Variants in ARL15 observed in about 807,000 individuals in gnomAD.
ARL15 encodes ARF like GTPase 15, also known as ADP-ribosylation factor-like protein 15.
ARL15 carries 19 observed loss-of-function variants against 25.2 expected under a neutral mutation model. The ratio of observed to expected loss-of-function variants is 0.75; its 90% confidence interval spans 0.53 to 1.10. The LOEUF is 1.10. Among genes scored for constraint, ARL15 ranks in the 50% least tolerant of loss-of-function variants. ARL15 has a pLI of 0.00. For missense variants in ARL15, 220 were observed against 246.0 expected (o/e 0.89, Z 0.71); for synonymous variants, 94 against 86.8 (o/e 1.08, Z -0.46).
At chr5:54,207,697 G>A (rs985020997) in intron 1 of ARL15, among the ~76,000 whole-genome samples, 1 of 152,212 alleles carries the variant, frequency 6.6e-6, no homozygotes, top group Non-Finnish European at 1.5e-5. Context: ...TAAACAGGCA[G>A]TGAAAGAAAG....
At chr5:54,179,777 G>A (rs1268641044) in intron 1 of ARL15, among the ~76,000 whole-genome samples, 1 of 152,028 alleles carries the variant, frequency 6.6e-6, no homozygotes, top group Non-Finnish European at 1.5e-5. Flanking sequence ...CTGCACTTTG[G>A]GAGGCCGAGG....
chr5:54,128,429 C>T (rs1409332995), intron 3 of ARL15, among the ~76,000 whole-genome samples: 1 of 152,176 alleles, frequency 6.6e-6, no homozygotes, highest in Non-Finnish European at 1.5e-5. Context: ...ATAATCTTCA[C>T]TCAATTCATG....
intron 4 of ARL15, among the ~76,000 whole-genome samples, chr5:53,954,806 C>T (rs1747090567): frequency 6.6e-6 from 1 of 152,054 alleles, no homozygotes; most frequent in Admixed American, 6.6e-5. Flanking sequence ...AGAACATATT[C>T]CTTTTAAAAA....
chr5:54,066,053 C>G (rs1054796253), intron 4 of ARL15, among the ~76,000 whole-genome samples: 3 of 152,176 alleles, frequency 2.0e-5, no homozygotes, highest in African/African-American at 7.2e-5. Context: ...TACATTATTT[C>G]TAGCATCACA....
chr5:54,176,430 T>C (rs1259614946), intron 1 of ARL15, among the ~76,000 whole-genome samples: 2 of 152,212 alleles, frequency 1.3e-5, no homozygotes, highest in African/African-American at 4.8e-5. Flanking sequence ...TTTTTTGTTT[T>C]AAAACTTAAT....
At chr5:54,184,439 T>TAAAAAAAAA (rs527755025) in intron 1 of ARL15, among the ~76,000 whole-genome samples, 1 of 69,108 alleles carries the variant, frequency 1.4e-5, no homozygotes, top group Non-Finnish European at 2.8e-5. Context: ...ACACTGTCTT[T>TAAAAAAAAA]AAAAAAAAAA....
chr5:54,006,092 G>C (rs1315316116), intron 4 of ARL15, among the ~76,000 whole-genome samples: 3 of 142,774 alleles, frequency 2.1e-5, no homozygotes, highest in Non-Finnish European at 4.6e-5. Context: ...TTTATTGACT[G>C]TTTTTGTTTA....
In ARL15 at chr5:53,885,305, T is replaced by C. The variant is rs1266812152; in HGVS notation, c.*1256A>G. On this transcript the variant is annotated 3_prime_UTR_variant, in exon 5 of 5. Coordinates refer to ENST00000504924, the MANE Select transcript of ARL15 (RefSeq NM_019087.3). Reference sequence around the variant, plus strand: ...TTTCATCTGTGAACCTCAATATGCATAGATTTTTTTCCTGATTTAGAAAAG... The same window carrying C: ...TTTCATCTGTGAACCTCAATATGCACAGATTTTTTTCCTGATTTAGAAAAG... The C allele has an allele frequency of 6.6e-6, 1 of 152,638 alleles. No homozygotes were observed. Among genetic ancestry groups the C allele is most frequent in the Non-Finnish European group, 1.5e-5 (1 of 68,028 alleles). The allele number at this position is 152,638 out of a possible 1,614,324, so 9.5% of individuals were successfully genotyped here. A position where few individuals can be genotyped will look rare whatever the true frequency, so the allele number is the denominator to read the frequency against.
At chr5:53,921,286 T>C (rs1232180897) in intron 4 of ARL15, among the ~76,000 whole-genome samples, 2 of 152,202 alleles carry the variant, frequency 1.3e-5, no homozygotes, top group Non-Finnish European at 2.9e-5. Flanking sequence ...CTGCCCTTGG[T>C]CAGTGAAACT....
chr5:54,078,831 G>C (rs188676077), intron 4 of ARL15, among the ~76,000 whole-genome samples: 1 of 152,080 alleles, frequency 6.6e-6, no homozygotes, highest in Non-Finnish European at 1.5e-5. Flanking sequence ...ATAAAAATCA[G>C]CTTAAAATAA....
At chr5:54,203,609 A>C (rs1356609865) in intron 1 of ARL15, among the ~76,000 whole-genome samples, 1 of 152,148 alleles carries the variant, frequency 6.6e-6, no homozygotes, top group Non-Finnish European at 1.5e-5. Context: ...ATTTTGGGAG[A>C]TCTCCATGTC....
At chr5:54,164,816 T>C (rs948602845) in intron 2 of ARL15, among the ~76,000 whole-genome samples, 1 of 151,994 alleles carries the variant, frequency 6.6e-6, no homozygotes, top group Non-Finnish European at 1.5e-5. Flanking sequence ...ATCTATTATA[T>C]CAACCTCTGT....
intron 4 of ARL15, among the ~76,000 whole-genome samples, chr5:54,106,515 A>G (rs1297064143): frequency 6.6e-6 from 1 of 152,148 alleles, no homozygotes; most frequent in Non-Finnish European, 1.5e-5. Flanking sequence ...CTGATATCAA[A>G]TGGAGGAGTA....
At chr5:54,039,984 G>A (rs1561198984) in intron 4 of ARL15, among the ~76,000 whole-genome samples, 2 of 152,124 alleles carry the variant, frequency 1.3e-5, no homozygotes, top group African/African-American at 4.8e-5. Flanking sequence ...GGTTGAAACT[G>A]TAATGCATTT....
intron 1 of ARL15, among the ~76,000 whole-genome samples, chr5:54,176,281 A>G (rs866417037): frequency 1.7e-4 from 26 of 152,220 alleles, no homozygotes; most frequent in African/African-American, 9.6e-5. Flanking sequence ...GACTGAATAA[A>G]TCATCCTATG....
chr5:53,943,883 G>A (rs531236334), intron 4 of ARL15, among the ~76,000 whole-genome samples: 1 of 152,316 alleles, frequency 6.6e-6, no homozygotes, highest in East Asian at 1.9e-4. Context: ...TGTACAAAAT[G>A]TGTCCAGAAC....
At chr5:54,101,582 A>AGTCATGG (rs1752440126) in intron 4 of ARL15, among the ~76,000 whole-genome samples, 1 of 152,134 alleles carries the variant, frequency 6.6e-6, no homozygotes, top group African/African-American at 2.4e-5. Context: ...TTAGCTTAAA[A>AGTCATGG]CTGTATTAGT....
chr5:54,173,474 A>T (rs1754780591), intron 1 of ARL15, among the ~76,000 whole-genome samples: 1 of 152,178 alleles, frequency 6.6e-6, no homozygotes, highest in Non-Finnish European at 1.5e-5. Flanking sequence ...CATCTCACTC[A>T]GATAAAATCT....
At chr5:54,280,974 G>GAA (rs1254774552) in intron 1 of ARL15, among the ~76,000 whole-genome samples, 6 of 130,712 alleles carry the variant, frequency 4.6e-5, no homozygotes, top group Admixed American at 7.7e-5. Flanking sequence ...CAGGCTGGTG[G>GAA]AAAAAAAAAA....
Sources: allele counts gnomAD v4.1 joint callset (sites outside exome capture counted in the v4.1 genomes callset), GRCh38; gene constraint gnomAD v4.1.1; transcripts MANE v1.5; gene names NCBI Gene and HGNC (gene_info 2026-07-23, HGNC 2026-07-21).